SH3RF1: variants seen among roughly 807,000 people sequenced by gnomAD.
The protein encoded by SH3RF1 is SH3 domain containing ring finger 1.
In SH3RF1, 32 loss-of-function variants were observed where a neutral mutation model predicts 74.0. The ratio of observed to expected loss-of-function variants is 0.43; its 90% confidence interval spans 0.33 to 0.58. The LOEUF (loss-of-function observed/expected upper bound fraction) is 0.58. Among genes scored for constraint, SH3RF1 ranks in the 20% least tolerant of loss-of-function variants. SH3RF1 has a pLI of 0.05. For missense variants in SH3RF1, 954 were observed against 1,130.9 expected (o/e 0.84, Z 2.24); for synonymous variants, 396 against 439.6 (o/e 0.90, Z 1.24).
At chr4:169,108,046 C>G (rs1292250726) in intron 10 of SH3RF1, among the ~76,000 whole-genome samples, 1 of 152,138 alleles carries the variant, frequency 6.6e-6, no homozygotes, top group Non-Finnish European at 1.5e-5. Context: ...TCTCTTTGGT[C>G]TGCTAGGAAA....
chr4:169,212,104 GCC>G (rs10566719), intron 2 of SH3RF1, among the ~76,000 whole-genome samples: 10,953 of 58,870 alleles, frequency 0.19, 594 homozygotes, highest in African/African-American at 0.31. Flanking sequence ...TGCTCTTATT[GCC>G]CAGGCTGGAG....
intron 2 of SH3RF1, among the ~76,000 whole-genome samples, chr4:169,199,006 C>A (rs1373626784): frequency 6.6e-6 from 1 of 152,128 alleles, no homozygotes; most frequent in African/African-American, 2.4e-5. Context: ...GACAATACTT[C>A]TAGAAAGCAG....
intron 2 of SH3RF1, among the ~76,000 whole-genome samples, chr4:169,230,915 A>AATTATTTT (rs1007513574): frequency 1.3e-5 from 2 of 151,938 alleles, no homozygotes; most frequent in African/African-American, 4.8e-5. Flanking sequence ...TTAAAATGAC[A>AATTATTTT]ATTATTTTTT....
intron 2 of SH3RF1, chr4:169,166,316 C>T (rs1734242066): frequency 6.5e-6 from 1 of 153,430 alleles, no homozygotes; most frequent in African/African-American, 2.4e-5. Context: ...AGAGAAGGAA[C>T]CCGAAGCCAC....
At chr4:169,144,780 G>A (rs1733845401) in intron 4 of SH3RF1, among the ~76,000 whole-genome samples, 1 of 151,890 alleles carries the variant, frequency 6.6e-6, no homozygotes, top group South Asian at 2.1e-4. Context: ...TTTAAGGAAA[G>A]CTTATGTAAA....
intron 2 of SH3RF1, among the ~76,000 whole-genome samples, chr4:169,173,022 C>T (rs1734357984): frequency 6.6e-6 from 1 of 152,102 alleles, no homozygotes; most frequent in South Asian, 2.1e-4. Context: ...TTCTAATACA[C>T]TTGCTATAAA....
intron 6 of SH3RF1, among the ~76,000 whole-genome samples, chr4:169,127,029 C>T (rs1037976653): frequency 2.0e-5 from 3 of 152,186 alleles, no homozygotes; most frequent in Non-Finnish European, 4.4e-5. Flanking sequence ...TTATTCATCA[C>T]TTGTTTTAAA....
intron 2 of SH3RF1, among the ~76,000 whole-genome samples, chr4:169,158,811 A>G (rs1734103075): frequency 1.3e-5 from 2 of 152,240 alleles, no homozygotes; most frequent in Non-Finnish European, 2.9e-5. Flanking sequence ...CAATTTTCAA[A>G]AATTAGTTTG....
At chr4:169,222,553 C>A (rs1325791078) in intron 2 of SH3RF1, among the ~76,000 whole-genome samples, 1 of 150,132 alleles carries the variant, frequency 6.7e-6, no homozygotes, top group Non-Finnish European at 1.5e-5. Context: ...TATATTTTGA[C>A]AACTTCCTAA....
chr4:169,109,926 T>C (rs1579086517), intron 10 of SH3RF1, among the ~76,000 whole-genome samples: 1 of 147,262 alleles, frequency 6.8e-6, no homozygotes, highest in African/African-American at 2.5e-5. Flanking sequence ...GGAGGGAGGG[T>C]TGCTTGAGCC....
intron 4 of SH3RF1, among the ~76,000 whole-genome samples, chr4:169,144,146 T>G (rs867820228): frequency 2.6e-5 from 4 of 152,136 alleles, no homozygotes; most frequent in Admixed American, 1.3e-4. Flanking sequence ...TGGGCATGGG[T>G]TAAAGTGCTC....
intron 2 of SH3RF1, among the ~76,000 whole-genome samples, chr4:169,236,285 A>C (rs1730822513): frequency 6.6e-6 from 1 of 152,256 alleles, no homozygotes; most frequent in African/African-American, 2.4e-5. Flanking sequence ...GGAAGCTTTA[A>C]GCCAGAACTC....
Position 169,156,536 on chromosome 4 carries a change from G to C in SH3RF1, c.537C>G (p.Ile179Met). 6.2e-7 allele frequency: 1 copy of C among 1,614,086 alleles called. No homozygotes were observed. Among genetic ancestry groups the C allele is most frequent in the Non-Finnish European group, 8.5e-7 (1 of 1,179,994 alleles). Residue 179 changes from isoleucine (I) to methionine (M), a missense_variant, in exon 3 of 12, where the codon ATC becomes ATG. Ile to Met is a conservative substitution (Grantham distance 10). Transcript: ENST00000284637. ...ENWYHGEVNG[I>M]HGFFPTNFVQ... ...CAAAGTTGGTGGGGAAAAAGCCATG[G>C]ATTCCATTGACTTCCCCATGGTACC...
At position 169,107,087 on chromosome 4, in the gene SH3RF1, A is replaced by T; in HGVS notation, c.2258T>A (p.Leu753His). 1 of 1,613,978 alleles carries T rather than the reference A, an allele frequency of 6.2e-7. No homozygotes were observed. Among genetic ancestry groups the T allele is most frequent in the Non-Finnish European group, 8.5e-7 (1 of 1,179,986 alleles). ...CAGTTCGGGCCCCACCGCTCCCTGGAGAGGAAGCTCTGCACTGCCCAGCTC... is the reference window on the plus strand; with the variant it reads ...CAGTTCGGGCCCCACCGCTCCCTGGTGAGGAAGCTCTGCACTGCCCAGCTC... ...EVELGSAELPLQGAVGPELPP... is the reference protein window; with the variant it reads ...EVELGSAELPHQGAVGPELPP... Residue 753 changes from leucine to histidine, a missense_variant, in exon 11 of 12, where the codon CTC becomes CAC. This residue lies in a region of SH3RF1 where 854 missense variants were observed against 962.5 expected (regional missense o/e 0.89). Transcript: ENST00000284637.
chr4:169,206,657 C>T (rs1353479004), intron 2 of SH3RF1, among the ~76,000 whole-genome samples: 2 of 152,084 alleles, frequency 1.3e-5, no homozygotes, highest in African/African-American at 2.4e-5. Flanking sequence ...ACAGAGAATC[C>T]CTGCCCCAAG....
chr4:169,122,888 T>C (rs1463010938), intron 6 of SH3RF1, among the ~76,000 whole-genome samples: 1 of 152,228 alleles, frequency 6.6e-6, no homozygotes, highest in African/African-American at 2.4e-5. Flanking sequence ...AGTACACCAG[T>C]GAAAAGCTGC....
intron 10 of SH3RF1, among the ~76,000 whole-genome samples, chr4:169,112,073 A>C (rs1268905627): frequency 6.6e-6 from 1 of 152,264 alleles, no homozygotes; most frequent in East Asian, 1.9e-4. Context: ...AGCTGGGTAC[A>C]GAGAAAAGGA....
rs77093533 is a variant in SH3RF1 at position 169,106,894 on chromosome 4, G to A, written c.2451C>T (p.Ser817=). Reference sequence around the variant, plus strand: ...ACTCATTCAAGACAGGACCCAGGGAGGAACAGGCCTGGCGAGGAGGTGGAG... The same window carrying A: ...ACTCATTCAAGACAGGACCCAGGGAAGAACAGGCCTGGCGAGGAGGTGGAG... ...PIAPPPRQAC[S]SLGPVLNESR... is the part of the protein sequence containing the mutation. Residue 817 remains serine, a synonymous_variant, in exon 11 of 12, where the codon TCC becomes TCT. Transcript: ENST00000284637. 1,740 of 1,613,086 alleles carry A rather than the reference G, an allele frequency of 1.1e-3. 35 individuals are homozygous for A. The East Asian group carries it at 0.032, about 29-fold the overall frequency.
rs776604909 is a variant in SH3RF1 at position 169,122,287 on chromosome 4, A to G, written c.1180-21T>C. 8.4e-6 allele frequency: 13 copies of G among 1,553,752 alleles called. No individual in the cohort carries two copies. The South Asian group carries it at 1.5e-4, about 18-fold the overall frequency. On this transcript the variant is annotated intron_variant, in intron 6 of 11. Transcript: ENST00000284637. ...AAAGTCTAGTATAGGAAAAACATAAAGAGAAAGGGAAAAAAGGGAACAAAA... is the reference window on the plus strand; with the variant it reads ...AAAGTCTAGTATAGGAAAAACATAAGGAGAAAGGGAAAAAAGGGAACAAAA...
Sources: allele counts gnomAD v4.1 joint callset (sites outside exome capture counted in the v4.1 genomes callset), GRCh38; gene constraint gnomAD v4.1.1; regional missense constraint gnomAD v4.1.1; transcripts MANE v1.5; gene names NCBI Gene and HGNC (gene_info 2026-07-23, HGNC 2026-07-21).